Variants in PLXDC1 observed in about 807,000 individuals in gnomAD.
PLXDC1 encodes plexin domain containing 1, also known as plexin domain-containing protein 1.
In PLXDC1, 39 loss-of-function variants were observed where a neutral mutation model predicts 61.3. The ratio of observed to expected loss-of-function variants is 0.64; its 90% CI spans 0.49 to 0.83. The LOEUF (loss-of-function observed/expected upper bound fraction) is 0.83, where lower values mean the gene tolerates loss of function less well. Among genes scored for constraint, PLXDC1 ranks in the 40% least tolerant of loss-of-function variants. PLXDC1 has a pLI of 0.00. For missense variants in PLXDC1, 596 were observed against 666.5 expected, an observed-to-expected ratio of 0.89 and a Z score of 1.17; for synonymous variants, 212 against 254.5, an observed-to-expected ratio of 0.83 and a Z score of 1.59.
chr17:39,126,690 C>G (rs527374926), intron 2 of PLXDC1, among the ~76,000 whole-genome samples: 1 of 152,150 alleles, frequency 6.6e-6, no homozygotes, highest in Non-Finnish European at 1.5e-5. Context: ...CACATATTCA[C>G]GCTCACTCAT....
chr17:39,135,314 T>C (rs987573420), intron 2 of PLXDC1, among the ~76,000 whole-genome samples: 1 of 152,206 alleles, frequency 6.6e-6, no homozygotes, highest in African/African-American at 2.4e-5. Flanking sequence ...GCCCCTGAGA[T>C]GGTGGAAGCC....
At chr17:39,125,382 A>T (rs1413687824) in intron 2 of PLXDC1, among the ~76,000 whole-genome samples, 1 of 152,190 alleles carries the variant, frequency 6.6e-6, no homozygotes, top group Non-Finnish European at 1.5e-5. Flanking sequence ...AGGGCTTTGG[A>T]TTAGGCTTGT....
intron 7 of PLXDC1, among the ~76,000 whole-genome samples, chr17:39,095,367 G>GCCCCCACCCCCC (rs1555571240): frequency 1.3e-4 from 1 of 7,614 alleles, no homozygotes; most frequent in South Asian, 7.6e-3. Flanking sequence ...CTTACGCCCC[G>GCCCCCACCCCCC]CCCCCCCCCC....
chr17:39,073,313 C>T (rs1446298848), intron 11 of PLXDC1: 1 of 152,222 alleles, frequency 6.6e-6, no homozygotes, highest in Non-Finnish European at 1.5e-5. Flanking sequence ...AGGCGAGAGC[C>T]ACCTCACCTG....
intron 9 of PLXDC1, among the ~76,000 whole-genome samples, chr17:39,082,935 A>G (rs983855374): frequency 1.3e-5 from 2 of 152,210 alleles, no homozygotes; most frequent in Admixed American, 1.3e-4. Context: ...CCAACTTTCC[A>G]TGGATGCCTG....
chr17:39,142,029 TG>T (rs1911951098), intron 1 of PLXDC1, among the ~76,000 whole-genome samples: 1 of 152,166 alleles, frequency 6.6e-6, no homozygotes, highest in South Asian at 2.1e-4. Flanking sequence ...GATAATTCAT[TG>T]TTATGCGGGA....
chr17:39,115,980 TG>T (rs1437870815), intron 2 of PLXDC1, among the ~76,000 whole-genome samples: 3 of 152,112 alleles, frequency 2.0e-5, no homozygotes, highest in Non-Finnish European at 4.4e-5. Context: ...CTGGGTGTGG[TG>T]GCGCATGCCT....
At chr17:39,131,217 T>C (rs1435640757) in intron 2 of PLXDC1, among the ~76,000 whole-genome samples, 1 of 152,196 alleles carries the variant, frequency 6.6e-6, no homozygotes, top group Non-Finnish European at 1.5e-5. Context: ...CCCAAGGCTA[T>C]GCAGCTGGTC....
In PLXDC1 at chr17:39,067,758, G is replaced by C. The variant is rs1469402263; in HGVS notation, c.*82C>G. On this transcript the variant is annotated 3_prime_UTR_variant, in exon 14 of 14. Transcript: ENST00000315392. ...TCTCAGCCCAGGGCATGCTGGGAGAGGCCAGGAAAAGTCACTTCTCTTCTT... is the reference window on the plus strand; with the variant it reads ...TCTCAGCCCAGGGCATGCTGGGAGACGCCAGGAAAAGTCACTTCTCTTCTT... The C allele has an allele frequency of 7.4e-7, 1 of 1,359,680 alleles. No individual in the cohort carries two copies. The highest frequency in any genetic ancestry group is 1.0e-6 in the Non-Finnish European group (1 of 977,154). 84.2% of individuals were successfully genotyped at this position (1,359,680 alleles called of 1,614,324 possible).
chr17:39,128,559 G>A (rs1242822913), intron 2 of PLXDC1, among the ~76,000 whole-genome samples: 1 of 151,990 alleles, frequency 6.6e-6, no homozygotes, highest in African/African-American at 2.4e-5. Context: ...AAGTGTTGGC[G>A]AGGATGTAGA....
At chr17:39,146,948 A>ATTTTTTTTTTTTTTTTTTTT (rs869300584) in intron 1 of PLXDC1, among the ~76,000 whole-genome samples, 2 of 74,698 alleles carry the variant, frequency 2.7e-5, no homozygotes, top group African/African-American at 5.2e-5. Flanking sequence ...ACAGGAAATG[A>ATTTTTTTTTTTTTTTTTTTT]TTTTTTTTTT....
intron 1 of PLXDC1, among the ~76,000 whole-genome samples, chr17:39,141,506 A>G (rs1911933100): frequency 6.6e-6 from 1 of 152,202 alleles, no homozygotes; most frequent in South Asian, 2.1e-4. Context: ...CATTGTGTGG[A>G]TATACCACAT....
rs1567752288 is a variant in PLXDC1, at chr17:39,071,720, C to CA, written c.1222+729_1222+730insT. Among the ~76,000 whole-genome samples the CA allele has an allele frequency of 2.8e-4, 42 of 152,248 alleles. 1 individual carries two copies. The highest frequency in any genetic ancestry group is 1.2e-3 in the East Asian group (6 of 5,166). The stretch of plus-strand genomic sequence containing the variant: ...CCACCCCCACAACACACACACACAC[C>CA]CACTGCCTATGGAGGAGCAATGGCT... On this transcript the variant is annotated intron_variant, in intron 12 of 13. Transcript: ENST00000315392.
chr17:39,099,456 T>C (rs1305935182), intron 7 of PLXDC1, among the ~76,000 whole-genome samples: 1 of 151,828 alleles, frequency 6.6e-6, no homozygotes, highest in Non-Finnish European at 1.5e-5. Context: ...GGCTCAGTAA[T>C]GTACATGGGA....
rs532167117 is a variant in PLXDC1, at chr17:39,109,154, C to A, written c.399+94G>T. ...TGGAAGGTACCTCCCAGGTCACAGACCTCGGGCCACAGCCATGCCCACTGA... is the reference window on the plus strand; with the variant it reads ...TGGAAGGTACCTCCCAGGTCACAGAACTCGGGCCACAGCCATGCCCACTGA... On this transcript the variant is annotated intron_variant, in intron 3 of 13. Transcript: ENST00000315392. The A allele has an allele frequency of 9.2e-5, 137 of 1,492,794 alleles. 1 individual carries two copies. The African/African-American group carries it at 9.6e-4, about 10-fold the overall frequency. 92.5% of individuals were successfully genotyped at this position (1,492,794 alleles called of 1,614,324 possible).
rs1238531482 is a variant in PLXDC1, at chr17:39,147,339, AC to A, written c.76+4022del. ...AATTAACAATTCCCACACGTTGGCC[AC>A]CCCACCCCAAACCCCATAAAACCTC... On this transcript the variant is annotated intron_variant, in intron 1 of 13. Transcript: ENST00000315392. Among the ~76,000 whole-genome samples, 3 of 152,082 alleles carry A rather than the reference AC, an allele frequency of 2.0e-5. No individual in the cohort carries two copies. The East Asian group carries it at 5.8e-4, about 29-fold the overall frequency.
At chr17:39,112,956 G>A (rs145342163) in intron 2 of PLXDC1, 5 of 152,296 alleles carry the variant, frequency 3.3e-5, no homozygotes, top group Non-Finnish European at 5.9e-5. Flanking sequence ...ATATGTTCAA[G>A]TGTGAACCTC....
rs1459776851 is a variant in PLXDC1, at chr17:39,064,712, T to C, written c.*3128A>G. ...CAAGTGACAATCAGAGTTGGAAACG[T>C]GGGGCCTCAGCTCTGCTTGATAAAC... On this transcript the variant is annotated 3_prime_UTR_variant, in exon 14 of 14. Transcript: ENST00000315392. 1 of 152,018 alleles carries C rather than the reference T, an allele frequency of 6.6e-6. No individual in the cohort carries two copies. Among genetic ancestry groups the C allele is most frequent in the Non-Finnish European group, 1.5e-5 (1 of 68,018 alleles). 9.4% of individuals were successfully genotyped at this position (152,018 alleles called of 1,614,324 possible). A position where few individuals can be genotyped will look rare whatever the true frequency, so the allele number is the denominator to read the frequency against.
At position 39,063,606 on chromosome 17, in the gene PLXDC1, G is replaced by A. The variant is rs974549852; in HGVS notation, c.*4234C>T. 5 of 648,842 alleles carry A rather than the reference G, an allele frequency of 7.7e-6. No homozygotes were observed. The highest frequency in any genetic ancestry group is 5.2e-5 in the South Asian group (3 of 58,200). The allele number at this position is 648,842 out of a possible 1,614,324, so 40.2% of individuals were successfully genotyped here. ...TCCTTTGCACTTTCTTTTGCACACA[G>A]CAGGAGTTGTAAAAGAATGCTTCCT... On this transcript the variant is annotated 3_prime_UTR_variant, in exon 14 of 14. Transcript: ENST00000315392.
Sources: allele counts gnomAD v4.1 joint callset (sites outside exome capture counted in the v4.1 genomes callset), GRCh38; gene constraint gnomAD v4.1.1; transcripts MANE v1.5; gene names NCBI Gene and HGNC (gene_info 2026-07-23, HGNC 2026-07-21).